GMDS: variants seen among roughly 807,000 people sequenced by gnomAD.
GMDS encodes GDP-mannose 4,6 dehydratase.
GMDS carries 20 observed loss-of-function variants against 49.9 expected under a neutral mutation model. That is an observed-to-expected ratio of 0.40 (90% confidence interval 0.28 to 0.58). The LOEUF (loss-of-function observed/expected upper bound fraction) is 0.58. GMDS is among the 20% of genes least tolerant of loss of function. The pLI is 0.42. For synonymous variants in GMDS, 177 were observed against 178.6 expected (o/e 0.99, Z 0.07); for missense variants, 362 against 481.4 (o/e 0.75, Z 2.32).
chr6:2,229,452 G>T (rs1246921128), intron 1 of GMDS, among the ~76,000 whole-genome samples: 3 of 151,762 alleles, frequency 2.0e-5, no homozygotes, highest in African/African-American at 7.3e-5. Context: ...CACGTGTGGT[G>T]GCACACACCT....
intron 7 of GMDS, among the ~76,000 whole-genome samples, chr6:1,895,522 C>T (rs1760118648): frequency 6.6e-6 from 1 of 152,186 alleles, no homozygotes; most frequent in South Asian, 2.1e-4. Flanking sequence ...TGTGCATAGG[C>T]CACACTCAAG....
intron 4 of GMDS, among the ~76,000 whole-genome samples, chr6:1,967,600 A>G (rs946565716): frequency 3.3e-4 from 50 of 152,374 alleles, no homozygotes; most frequent in Admixed American, 3.0e-3. Flanking sequence ...GTCAGAACTC[A>G]GAGTGCAGAA....
chr6:1,751,542 A>G (rs6596849), intron 7 of GMDS, among the ~76,000 whole-genome samples: 86,007 of 152,136 alleles, frequency 0.57, 24,976 homozygotes, highest in African/African-American at 0.69. Flanking sequence ...TTGCCAGGCT[A>G]GAGTGCAATG....
chr6:1,792,064 A>G (rs759070773), intron 7 of GMDS, among the ~76,000 whole-genome samples: 2 of 152,190 alleles, frequency 1.3e-5, no homozygotes, highest in African/African-American at 2.4e-5. Flanking sequence ...GCATATTTAT[A>G]TACTTTTAAA....
chr6:1,639,906 A>T (rs771821535), intron 9 of GMDS, among the ~76,000 whole-genome samples: 1 of 152,200 alleles, frequency 6.6e-6, no homozygotes, highest in Admixed American at 6.5e-5. Context: ...ATGAAAACAC[A>T]GATCCAAGCT....
chr6:2,085,793 G>T (rs914599698), intron 4 of GMDS, among the ~76,000 whole-genome samples: 2 of 152,110 alleles, frequency 1.3e-5, no homozygotes, highest in African/African-American at 4.8e-5. Flanking sequence ...TTCCCAAAGT[G>T]CTGGATTACA....
chr6:1,818,770 A>G (rs1048033051), intron 7 of GMDS, among the ~76,000 whole-genome samples: 1 of 152,068 alleles, frequency 6.6e-6, no homozygotes, highest in Non-Finnish European at 1.5e-5. Flanking sequence ...TAGACCCTGG[A>G]TCATCAAAAA....
intron 8 of GMDS, among the ~76,000 whole-genome samples, chr6:1,728,808 C>T (rs1159319256): frequency 6.6e-6 from 1 of 152,158 alleles, no homozygotes; most frequent in African/African-American, 2.4e-5. Context: ...CACATATAGT[C>T]TCTGTTACAT....
chr6:2,051,051 T>C (rs946110598), intron 4 of GMDS, among the ~76,000 whole-genome samples: 1 of 152,066 alleles, frequency 6.6e-6, no homozygotes, highest in African/African-American at 2.4e-5. Context: ...GGCACATGTA[T>C]ACCTAGGTAA....
At chr6:1,732,268 A>C (rs1000579155) in intron 8 of GMDS, among the ~76,000 whole-genome samples, 1 of 152,216 alleles carries the variant, frequency 6.6e-6, no homozygotes, top group Non-Finnish European at 1.5e-5. Context: ...CGGAGGTTGC[A>C]GTGAGCCCAG....
chr6:1,828,846 AGGGGTGCC>A (rs1257685478), intron 7 of GMDS, among the ~76,000 whole-genome samples: 1 of 152,198 alleles, frequency 6.6e-6, no homozygotes, highest in East Asian at 1.9e-4. Flanking sequence ...ATGGAGGGTT[AGGGGTGCC>A]AAACCCCTGC....
chr6:1,711,332 G>A (rs1765955015), intron 9 of GMDS, among the ~76,000 whole-genome samples: 1 of 152,248 alleles, frequency 6.6e-6, no homozygotes, highest in Non-Finnish European at 1.5e-5. Context: ...ATGAATCCTG[G>A]AAGACTGTAT....
At chr6:2,220,692 T>A (rs1780545576) in intron 1 of GMDS, among the ~76,000 whole-genome samples, 1 of 152,092 alleles carries the variant, frequency 6.6e-6, no homozygotes, top group African/African-American at 2.4e-5. Flanking sequence ...ATAAACAAAT[T>A]TCATGTTTAA....
intron 9 of GMDS, chr6:1,625,977 A>C (rs9502983): frequency 9.9e-5 from 15 of 152,274 alleles, no homozygotes; most frequent in African/African-American, 3.1e-4. Context: ...AGTAACAGCC[A>C]GTCAAGCTGC....
At chr6:1,986,288 C>T (rs916402499) in intron 4 of GMDS, among the ~76,000 whole-genome samples, 1 of 152,110 alleles carries the variant, frequency 6.6e-6, no homozygotes, top group Admixed American at 6.5e-5. Flanking sequence ...GGTTAACTAT[C>T]CAGGGAAGTA....
At chr6:1,779,256 G>A (rs1768975437) in intron 7 of GMDS, among the ~76,000 whole-genome samples, 1 of 152,096 alleles carries the variant, frequency 6.6e-6, no homozygotes, top group South Asian at 2.1e-4. Flanking sequence ...CTGAGCCCAG[G>A]CCCAGTTCTG....
At chr6:1,803,329 C>T (rs1361824483) in intron 7 of GMDS, among the ~76,000 whole-genome samples, 2 of 152,132 alleles carry the variant, frequency 1.3e-5, no homozygotes, top group East Asian at 1.9e-4. Flanking sequence ...AGGCAAAAAA[C>T]GTCTCTGGGC....
chr6:1,967,777 A>T (rs1764352997), intron 4 of GMDS, among the ~76,000 whole-genome samples: 1 of 152,248 alleles, frequency 6.6e-6, no homozygotes, highest in Admixed American at 6.5e-5. Context: ...GGAAGCAGGA[A>T]ATTTAAGTTC....
chr6:1,779,183 C>T (rs1768972111), intron 7 of GMDS, among the ~76,000 whole-genome samples: 1 of 152,220 alleles, frequency 6.6e-6, no homozygotes, highest in Non-Finnish European at 1.5e-5. Context: ...GGAGGACTTT[C>T]TGTCCAAGGC....
Sources: gnomAD v4.1 joint callset for allele counts (sites outside exome capture counted in the v4.1 genomes callset) on GRCh38, gnomAD v4.1.1 for gene constraint, MANE v1.5 for transcripts, NCBI Gene and HGNC (gene_info 2026-07-23, HGNC 2026-07-21) for gene names.